MYOF: variants seen among roughly 807,000 people sequenced by gnomAD.
MYOF encodes myoferlin, also known as fer-1-like 3, myoferlin.
Under a neutral mutation model 284.2 loss-of-function variants are expected in MYOF, and 244 were observed. The ratio of observed to expected loss-of-function variants is 0.86; its 90% CI spans 0.77 to 0.95. The LOEUF is 0.95. Ranked by LOEUF, MYOF falls within the 40% of genes least tolerant of loss-of-function variation. The pLI is 0.00. For missense variants in MYOF, 2,496 were observed against 2,560.6 expected (o/e 0.97, Z 0.54); for synonymous variants, 904 against 919.7 (o/e 0.98, Z 0.31).
intron 53 of MYOF, among the ~76,000 whole-genome samples, chr10:93,308,080 T>TA (rs1361249755): frequency 6.7e-6 from 1 of 148,244 alleles, no homozygotes; most frequent in Non-Finnish European, 1.5e-5. Context: ...CCGTCTCTAC[T>TA]AAAAATAAAA....
intron 1 of MYOF, among the ~76,000 whole-genome samples, chr10:93,469,625 G>C (rs1371460097): frequency 6.6e-6 from 1 of 152,174 alleles, no homozygotes; most frequent in African/African-American, 2.4e-5. Context: ...CTCAGGGCTG[G>C]CTTTGTCCAG....
chr10:93,370,281 A>C lies in MYOF; in HGVS notation c.2458-505T>G, dbSNP rs891189374. ...TTATGTGCAAAAACATAAAAATAAA[A>C]GGATTCTGTTGATCAAGCAGTAATG... On this transcript the variant is annotated intron_variant, in intron 24 of 53. Transcript: ENST00000359263. Among the ~76,000 whole-genome samples, 33 of 151,402 alleles carry C rather than the reference A, an allele frequency of 2.2e-4. 1 individual carries two copies. The highest frequency in any genetic ancestry group is 7.6e-4 in the African/African-American group (31 of 41,004).
At chr10:93,424,240 CT>C (rs1848485284) in intron 5 of MYOF, among the ~76,000 whole-genome samples, 1 of 152,338 alleles carries the variant, frequency 6.6e-6, no homozygotes, top group South Asian at 2.1e-4. Context: ...ATGCCCTGAT[CT>C]TTCCAATTCA....
intron 5 of MYOF, among the ~76,000 whole-genome samples, chr10:93,410,011 G>A (rs931342208): frequency 1.3e-5 from 2 of 152,202 alleles, no homozygotes; most frequent in Non-Finnish European, 2.9e-5. Flanking sequence ...GACAATGAGA[G>A]GAGATGGCAC....
chr10:93,323,815 G>A (rs1842936562), intron 46 of MYOF: 1 of 158,162 alleles, frequency 6.3e-6, no homozygotes, highest in South Asian at 2.0e-4. Context: ...TTGCCCACCT[G>A]ACACCAATCC....
chr10:93,331,543 C>G (rs944385830), intron 43 of MYOF, among the ~76,000 whole-genome samples: 1 of 152,162 alleles, frequency 6.6e-6, no homozygotes, highest in Non-Finnish European at 1.5e-5. Context: ...TCCCTGTCTC[C>G]CTCACGGGAG....
At chr10:93,316,335 CG>C (rs1240665388) in intron 50 of MYOF, among the ~76,000 whole-genome samples, 1 of 149,850 alleles carries the variant, frequency 6.7e-6, no homozygotes, top group Admixed American at 6.7e-5. Flanking sequence ...GGAGAAATGG[CG>C]GGGGGGTTGG....
In MYOF at chr10:93,363,967, C is replaced by T. The variant is rs776004354; in HGVS notation, c.2862G>A (p.Thr954=). The change falls in exon 27 of 54, where the codon ACG becomes ACA. Residue 954 remains threonine (T), a synonymous_variant. Coordinates refer to ENST00000359263, the MANE Select transcript of MYOF (RefSeq NM_013451.4). ...GDWKPAEDTY[T]DANGDKAASP... ...TCCGGAGCAGGCCACTCACCGCATC[C>T]GTGTAGGTGTCCTCGGCCGGCTTCC... 14 of 1,613,930 alleles carry T rather than the reference C, an allele frequency of 8.7e-6. No homozygotes were observed. The African/African-American group carries it at 1.3e-4, about 15-fold the overall frequency.
chr10:93,388,878 G>C, intron 18 of MYOF, 152 bp downstream of exon 18: 1 of 1,028,178 alleles, frequency 9.7e-7, no homozygotes, highest in African/African-American at 1.7e-5. Context: ...CCATCCCCCA[G>C]TGAGATGATC....
chr10:93,454,288 A>G (rs2056678477), intron 2 of MYOF, among the ~76,000 whole-genome samples: 3 of 152,080 alleles, frequency 2.0e-5, no homozygotes, highest in Non-Finnish European at 4.4e-5. Flanking sequence ...AGTTTACTTG[A>G]TAAGTACATC....
At chr10:93,333,427 G>A (rs372780233) in intron 42 of MYOF, 115 bp from the exon 43 acceptor site, 274 of 864,148 alleles carry the variant, frequency 3.2e-4, no homozygotes, top group African/African-American at 2.3e-3. Context: ...CAAGGTGGCC[G>A]CCATGGCACC....
Position 93,351,215 on chromosome 10 carries a change from G to A in MYOF, c.3903C>T (p.Val1301=). The A allele has an allele frequency of 6.2e-7, 1 of 1,614,184 alleles. No homozygotes were observed. ...YMVPQGIRPV[V]QLTAIEILAW... is the part of the protein sequence containing the mutation. ...AGCATACCTCAATGGCAGTGAGCTG[G>A]ACCACAGGCCTGATCCCCTGGGGGA... Residue 1301 remains valine (V), a synonymous_variant, in exon 35 of 54, where the codon GTC becomes GTT. Transcript: ENST00000359263.
chr10:93,340,050 A>G (rs1207361642), intron 39 of MYOF, 103 bp downstream of exon 39: 123 of 1,307,328 alleles, frequency 9.4e-5, no homozygotes, highest in Non-Finnish European at 1.2e-4. Context: ...ACTGCACTCC[A>G]GCCTGGGTGA....
intron 38 of MYOF, among the ~76,000 whole-genome samples, chr10:93,343,408 C>A (rs1002257744): frequency 2.0e-5 from 3 of 152,158 alleles, no homozygotes; most frequent in African/African-American, 7.2e-5. Flanking sequence ...AAGAATCTGG[C>A]GTGTTGCATG....
rs554638188 is a variant in MYOF at position 93,470,066 on chromosome 10, TA to T, written c.88+12040del. Among the ~76,000 whole-genome samples the T allele has an allele frequency of 2.6e-5, 4 of 151,510 alleles. No homozygotes were observed. The South Asian group carries it at 8.3e-4, about 32-fold the overall frequency. On this transcript the variant is annotated intron_variant, in intron 1 of 53. Transcript: ENST00000359263. ...CAACATGGTGAAACCCAGTCTCTGC[TA>T]AAAAAACAAAAATTAGCCAAGCATG... is the stretch of plus-strand genomic sequence containing the variant.
In MYOF at chr10:93,313,182, C is replaced by T. The variant is rs370918123; in HGVS notation, c.5727G>A (p.Thr1909=). 9.4e-5 allele frequency: 152 copies of T among 1,613,432 alleles called. No individual in the cohort carries two copies. The highest frequency in any genetic ancestry group is 1.6e-4 in the Middle Eastern group (1 of 6,078). ...LGFLELDLRH[T]IIPAKSPEKC... is the part of the protein sequence containing the mutation. Reference sequence around the variant, plus strand: ...TCTCTGGTGATTTTGCAGGAATGATCGTGTGACGCAAGTCAAGTTCTAGGA... The same window carrying T: ...TCTCTGGTGATTTTGCAGGAATGATTGTGTGACGCAAGTCAAGTTCTAGGA... The change falls in exon 51 of 54, where the codon ACG becomes ACA. Residue 1909 remains threonine (T), a synonymous_variant. Coordinates refer to ENST00000359263, the MANE Select transcript of MYOF (RefSeq NM_013451.4).
At chr10:93,418,825 T>A (rs1030770098) in intron 5 of MYOF, among the ~76,000 whole-genome samples, 1 of 152,238 alleles carries the variant, frequency 6.6e-6, no homozygotes, top group African/African-American at 2.4e-5. Context: ...AACCACTTGT[T>A]TATGATGAGC....
chr10:93,316,758 ATGATCAGCC>A lies in MYOF; in HGVS notation c.5645_5653del (p.Arg1882_Ile1884del). 1 of 1,614,094 alleles carries A rather than the reference ATGATCAGCC, an allele frequency of 6.2e-7. No homozygotes were observed. The highest frequency in any genetic ancestry group is 8.5e-7 in the Non-Finnish European group (1 of 1,179,978). On this transcript the variant is annotated inframe_deletion, in exon 50 of 54. Transcript: ENST00000359263. The stretch of plus-strand genomic sequence containing the variant: ...AAACTTGTCATTGTCCCATATCTGA[ATGATCAGCC>A]TGGGTGGGATTCGAAATTCCGTTTG...
In MYOF at chr10:93,319,871, CT is replaced by C; in HGVS notation, c.5598del (p.Glu1867SerfsTer17). 2 of 1,613,958 alleles carry C rather than the reference CT, an allele frequency of 1.2e-6. No homozygotes were observed. The highest frequency in any genetic ancestry group is 1.7e-6 in the Non-Finnish European group (2 of 1,179,990). On this transcript the variant is annotated frameshift_variant and splice_region_variant, in exon 49 of 54. Transcript: ENST00000359263. LOFTEE classifies it high-confidence loss of function. ...PAEQLCIVAK[K>X]EHFWSIDQTE... ...TCCCAGCGGCATATTTCAGAGCTCACTTTTTTCGCAACGATACAGAGTTGTT... is the reference window on the plus strand; with the variant it reads ...TCCCAGCGGCATATTTCAGAGCTCACTTTTTCGCAACGATACAGAGTTGTT...
Sources: gnomAD v4.1 joint callset for allele counts (sites outside exome capture counted in the v4.1 genomes callset) on GRCh38, gnomAD v4.1.1 for gene constraint, MANE v1.5 for transcripts, NCBI Gene and HGNC (gene_info 2026-07-23, HGNC 2026-07-21) for gene names.